Variants in TMEM132B observed in about 807,000 individuals in gnomAD.
TMEM132B encodes transmembrane protein 132B.
TMEM132B carries 18 observed loss-of-function variants against 90.8 expected under a neutral mutation model. The observed-to-expected ratio is 0.20, with a 90% CI of 0.14 to 0.29. TMEM132B has a LOEUF of 0.29. Among genes scored for constraint, TMEM132B ranks in the 10% least tolerant of loss-of-function variants. The pLI, the probability that TMEM132B is intolerant of heterozygous loss-of-function variation, is 1.00. For missense variants in TMEM132B, 1,096 were observed against 1,326.8 expected, an observed-to-expected ratio of 0.83 and a Z score of 2.70; for synonymous variants, 504 against 523.3, an observed-to-expected ratio of 0.96 and a Z score of 0.50.
chr12:125,467,312 A>G (rs1046606257), intron 3 of TMEM132B, among the ~76,000 whole-genome samples: 2 of 152,154 alleles, frequency 1.3e-5, no homozygotes, highest in African/African-American at 2.4e-5. Flanking sequence ...TGGGAATATT[A>G]TTGAAGTTCC....
chr12:125,588,662 A>AT (rs1322440528), intron 5 of TMEM132B, among the ~76,000 whole-genome samples: 2 of 152,092 alleles, frequency 1.3e-5, no homozygotes, highest in Non-Finnish European at 2.9e-5. Context: ...AAGACAGTAG[A>AT]TTTTTTTAAA....
intron 1 of TMEM132B, among the ~76,000 whole-genome samples, chr12:125,293,633 C>CT (rs1875597620): frequency 6.6e-6 from 1 of 152,156 alleles, no homozygotes; most frequent in South Asian, 2.1e-4. Context: ...TGATTTTGTT[C>CT]TTTTTTATGG....
At chr12:125,286,242 A>G (rs1287937370) in intron 1 of TMEM132B, among the ~76,000 whole-genome samples, 1 of 152,240 alleles carries the variant, frequency 6.6e-6, no homozygotes, top group Non-Finnish European at 1.5e-5. Flanking sequence ...ACATAATCCC[A>G]GGCATTCTGC....
intron 2 of TMEM132B, among the ~76,000 whole-genome samples, chr12:125,403,275 C>G (rs1340116900): frequency 6.6e-6 from 1 of 152,216 alleles, no homozygotes; most frequent in Non-Finnish European, 1.5e-5. Context: ...TTTCCCTCCT[C>G]CCCTCTGGCT....
chr12:125,415,547 G>C lies in TMEM132B; in HGVS notation c.976G>C (p.Gly326Arg). Residue 326 changes from glycine to arginine, a missense_variant, in exon 3 of 9, where the codon GGT becomes CGT. By Grantham distance (125) the Gly-to-Arg change is moderately radical (BLOSUM62 -2). Transcript: ENST00000682704. The surrounding 1 kb of genome is among the most constrained non-coding windows in gnomAD (Gnocchi z 5.3). ...QFTLRIKAAAGVKITAVRVSS... is the reference protein window; with the variant it reads ...QFTLRIKAAARVKITAVRVSS... The stretch of plus-strand genomic sequence containing the variant: ...ACCCCACAGAATTAAGGCGGCAGCA[G>C]GTGTGAAGATAACGGCAGTGAGAGT... 6.2e-7 allele frequency: 1 copy of C among 1,614,172 alleles called. No homozygotes were observed. The highest frequency in any genetic ancestry group is 8.5e-7 in the Non-Finnish European group (1 of 1,180,026).
intron 1 of TMEM132B, among the ~76,000 whole-genome samples, chr12:125,255,553 CA>C (rs1874421068): frequency 6.6e-6 from 1 of 152,182 alleles, no homozygotes; most frequent in Non-Finnish European, 1.5e-5. Context: ...CCCTTGGGTT[CA>C]GCTCCACCAT....
intron 1 of TMEM132B, among the ~76,000 whole-genome samples, chr12:125,187,833 A>C (rs1234352622): frequency 7.1e-6 from 1 of 141,786 alleles, no homozygotes; most frequent in Non-Finnish European, 1.5e-5. Flanking sequence ...CCCCGGGAAC[A>C]GTCACGAGCA....
intron 2 of TMEM132B, among the ~76,000 whole-genome samples, chr12:125,411,734 T>TG: frequency 6.6e-6 from 1 of 152,156 alleles, no homozygotes; most frequent in East Asian, 1.9e-4. Context: ...TGTGGTGTCA[T>TG]GGGGCCGATC....
chr12:125,365,495 T>C (rs1878099834), intron 2 of TMEM132B, among the ~76,000 whole-genome samples: 1 of 152,158 alleles, frequency 6.6e-6, no homozygotes, highest in Non-Finnish European at 1.5e-5. Flanking sequence ...CCATTTCTGA[T>C]GTTCTTCATT....
intron 5 of TMEM132B, among the ~76,000 whole-genome samples, chr12:125,623,285 G>A (rs921583242): frequency 3.9e-5 from 6 of 152,138 alleles, no homozygotes; most frequent in African/African-American, 7.2e-5. Flanking sequence ...ATAAACATAT[G>A]CTAAACTTTG....
intron 1 of TMEM132B, among the ~76,000 whole-genome samples, chr12:125,199,697 A>G (rs1488896631): frequency 1.3e-5 from 2 of 151,276 alleles, no homozygotes; most frequent in African/African-American, 2.4e-5. Context: ...GTACTTATGG[A>G]CTCTCCCTCC....
chr12:125,495,699 T>C (rs1318278874), intron 3 of TMEM132B, among the ~76,000 whole-genome samples: 1 of 152,208 alleles, frequency 6.6e-6, no homozygotes, highest in Non-Finnish European at 1.5e-5. Context: ...GATTTCTTTG[T>C]GTAAACAGTG....
At chr12:125,352,084 CTGT>C (rs1282315435) in intron 2 of TMEM132B, among the ~76,000 whole-genome samples, 1 of 152,212 alleles carries the variant, frequency 6.6e-6, no homozygotes, top group Admixed American at 6.5e-5. Flanking sequence ...TTAAATACAA[CTGT>C]TCTAGAACTC....
intron 6 of TMEM132B, among the ~76,000 whole-genome samples, chr12:125,647,407 G>A (rs904029368): frequency 5.9e-5 from 9 of 152,166 alleles, no homozygotes; most frequent in African/African-American, 2.2e-4. Flanking sequence ...TCCATGTGAA[G>A]ACACATAGTA....
chr12:125,480,141 C>A (rs1480804077), intron 3 of TMEM132B, among the ~76,000 whole-genome samples: 5 of 151,926 alleles, frequency 3.3e-5, no homozygotes, highest in Non-Finnish European at 7.4e-5. Flanking sequence ...CACTAAATGC[C>A]CACAAGAGAA....
At chr12:125,376,651 C>T (rs1425383212) in intron 2 of TMEM132B, among the ~76,000 whole-genome samples, 3 of 152,212 alleles carry the variant, frequency 2.0e-5, no homozygotes, top group Non-Finnish European at 4.4e-5. Flanking sequence ...GAGGGAGTTT[C>T]CTGCAGGGGA....
intron 5 of TMEM132B, among the ~76,000 whole-genome samples, chr12:125,629,180 G>A (rs1475609221): frequency 6.6e-6 from 1 of 151,324 alleles, no homozygotes; most frequent in African/African-American, 2.4e-5. Flanking sequence ...TTTCATTTCT[G>A]TGAAGAATGT....
chr12:125,416,227 G>T (rs943423534), intron 3 of TMEM132B, among the ~76,000 whole-genome samples: 1 of 152,014 alleles, frequency 6.6e-6, no homozygotes, highest in Non-Finnish European at 1.5e-5. Flanking sequence ...AGGACATCTG[G>T]CAGGTAGAAA....
chr12:125,606,441 T>G (rs1272844885), intron 5 of TMEM132B, among the ~76,000 whole-genome samples: 1 of 152,138 alleles, frequency 6.6e-6, no homozygotes, highest in Non-Finnish European at 1.5e-5. Flanking sequence ...CGTACAGCTG[T>G]GTGCATGCTA....
Sources: allele counts gnomAD v4.1 joint callset (sites outside exome capture counted in the v4.1 genomes callset), GRCh38; gene constraint gnomAD v4.1.1; non-coding constraint Gnocchi (gnomAD v3.1); transcripts MANE v1.5; gene names NCBI Gene and HGNC (gene_info 2026-07-23, HGNC 2026-07-21).